The following ANKRD45 variants were observed in gnomAD, a reference collection of about 807,000 sequenced individuals.
The protein encoded by ANKRD45 is ankyrin repeat domain-containing protein 45.
ANKRD45 carries 21 observed loss-of-function variants against 28.1 expected under a neutral mutation model. The observed-to-expected ratio is 0.75, with a 90% CI of 0.53 to 1.08. The LOEUF is 1.08. Among genes scored for constraint, ANKRD45 ranks in the 50% least tolerant of loss-of-function variants. The probability of loss-of-function intolerance (pLI) is 0.00; values close to 1 mark genes in which losing one functional copy is unlikely to be tolerated. For synonymous variants in ANKRD45, 86 were observed against 103.9 expected (o/e 0.83, Z 1.05); for missense variants, 261 against 308.7 (o/e 0.85, Z 1.16).
the ANKRD45 span, among the ~76,000 whole-genome samples, chr1:173,702,863 T>C: frequency 6.6e-6 from 1 of 151,610 alleles, no homozygotes; most frequent in Non-Finnish European, 1.5e-5. Flanking sequence ...ATTAGGACAA[T>C]AGACATGCAC....
chr1:173,632,253 G>A (rs1668229216), intron 3 of ANKRD45, among the ~76,000 whole-genome samples: 2 of 151,796 alleles, frequency 1.3e-5, no homozygotes, highest in Non-Finnish European at 2.9e-5. Flanking sequence ...AATGGATAAA[G>A]TTCTAGACAC....
intron 3 of ANKRD45, among the ~76,000 whole-genome samples, chr1:173,628,220 G>A (rs759162909): frequency 1.3e-4 from 19 of 151,044 alleles, no homozygotes; most frequent in Non-Finnish European, 2.7e-4. Context: ...AGGGACTAAG[G>A]GGAGAGACAC....
At chr1:173,649,251 T>C (rs1271300015) in intron 2 of ANKRD45, among the ~76,000 whole-genome samples, 1 of 152,174 alleles carries the variant, frequency 6.6e-6, no homozygotes, top group Non-Finnish European at 1.5e-5. Context: ...AAATGGAAAT[T>C]AGGATCATCA....
the ANKRD45 span, among the ~76,000 whole-genome samples, chr1:173,696,286 G>A: frequency 1.3e-5 from 2 of 152,146 alleles, no homozygotes; most frequent in Admixed American, 6.6e-5. Flanking sequence ...CCCCTGATAG[G>A]TCCCACATGT....
At chr1:173,671,472 G>A (rs964847910), upstream of ANKRD45, among the ~76,000 whole-genome samples, 18 of 152,220 alleles carry the variant, frequency 1.2e-4, no homozygotes, top group East Asian at 2.7e-3. Context: ...CACACTGCAC[G>A]TGCTCCTCTC....
rs1667036141 is a variant in ANKRD45 at position 173,608,955 on chromosome 1, GAGAGGAAGGAGA to G, written c.*1178_*1189del. Among the ~76,000 whole-genome samples, 1 of 127,424 alleles carries G rather than the reference GAGAGGAAGGAGA, an allele frequency of 7.8e-6. No homozygotes were observed. Among genetic ancestry groups the G allele is most frequent in the South Asian group, 3.2e-4 (1 of 3,098 alleles). 83.6% of individuals were successfully genotyped at this position (127,424 alleles called of 152,430 possible). The stretch of plus-strand genomic sequence containing the variant: ...GAAGGGAGGGGAAGGGAGAGGAAGG[GAGAGGAAGGAGA>G]AGGGGAAGGGAAGGGAAAAGGGAGA... On this transcript the variant is annotated 3_prime_UTR_variant, in exon 6 of 6. Coordinates refer to ENST00000333279, the MANE Select transcript of ANKRD45 (RefSeq NM_198493.3).
the ANKRD45 span, among the ~76,000 whole-genome samples, chr1:173,705,852 C>G: frequency 2.6e-5 from 4 of 152,010 alleles, no homozygotes; most frequent in Non-Finnish European, 5.9e-5. Context: ...ATTTATCTTT[C>G]AATTTATATA....
intron 1 of ANKRD45, among the ~76,000 whole-genome samples, chr1:173,659,788 G>A (rs1669699540): frequency 6.6e-6 from 1 of 152,146 alleles, no homozygotes; most frequent in Non-Finnish European, 1.5e-5. Flanking sequence ...CCTTGTATGA[G>A]AGAAGTGAGA....
chr1:173,649,703 A>T (rs1669096485), intron 2 of ANKRD45, among the ~76,000 whole-genome samples: 1 of 152,114 alleles, frequency 6.6e-6, no homozygotes, highest in Admixed American at 6.6e-5. Flanking sequence ...ATATCTCAAG[A>T]TATTCTGTGA....
At chr1:173,713,379 T>C in the ANKRD45 span, among the ~76,000 whole-genome samples, 2 of 152,166 alleles carry the variant, frequency 1.3e-5, no homozygotes, top group African/African-American at 4.8e-5. Context: ...CAAGATAACT[T>C]TGGGAGACAT....
the ANKRD45 span, among the ~76,000 whole-genome samples, chr1:173,706,725 T>C: frequency 6.6e-6 from 1 of 152,188 alleles, no homozygotes; most frequent in Non-Finnish European, 1.5e-5. Context: ...AAGAGTCTTT[T>C]AGATTCTTTC....
intron 1 of ANKRD45, among the ~76,000 whole-genome samples, chr1:173,664,684 A>G (rs1669931072): frequency 6.6e-6 from 1 of 152,178 alleles, no homozygotes; most frequent in African/African-American, 2.4e-5. Flanking sequence ...ATATGATATT[A>G]TATTATTTCC....
the ANKRD45 span, among the ~76,000 whole-genome samples, chr1:173,700,024 A>G: frequency 1.1e-4 from 16 of 152,326 alleles, no homozygotes; most frequent in East Asian, 2.9e-3. Flanking sequence ...CTATACACCA[A>G]TAACAGAGAA....
intron 5 of ANKRD45, chr1:173,612,635 T>G (rs1209058632): frequency 1.3e-5 from 2 of 152,758 alleles, no homozygotes; most frequent in East Asian, 3.8e-4. Context: ...CTCCCTCTGA[T>G]GCTGAGCTGA....
intron 2 of ANKRD45, among the ~76,000 whole-genome samples, chr1:173,650,039 A>T (rs1669111572): frequency 6.6e-6 from 1 of 152,178 alleles, no homozygotes; most frequent in Non-Finnish European, 1.5e-5. Context: ...ACATATATAC[A>T]TTTCGTGTGG....
intron 3 of ANKRD45, among the ~76,000 whole-genome samples, chr1:173,632,701 G>A (rs1390153437): frequency 6.6e-6 from 1 of 151,994 alleles, no homozygotes; most frequent in African/African-American, 2.4e-5. Context: ...AGGATGCAAG[G>A]ATGTTTCAAC....
chr1:173,619,725 G>T (rs953402799), intron 5 of ANKRD45, among the ~76,000 whole-genome samples: 1 of 152,058 alleles, frequency 6.6e-6, no homozygotes, highest in Non-Finnish European at 1.5e-5. Flanking sequence ...CCACTCGGGA[G>T]GGGGAGGCAG....
chr1:173,697,991 G>GAA, the ANKRD45 span, among the ~76,000 whole-genome samples: 8 of 133,422 alleles, frequency 6.0e-5, no homozygotes, highest in African/African-American at 2.1e-4. Flanking sequence ...AAAATGGAAA[G>GAA]AAAAAAAAAA....
the ANKRD45 span, among the ~76,000 whole-genome samples, chr1:173,703,207 A>AT: frequency 0.21 from 28,969 of 140,130 alleles, 2,894 homozygotes; most frequent in Middle Eastern, 0.35. Context: ...TACCCAGCTA[A>AT]TTTTTTTTTT....
Sources: gnomAD v4.1 joint callset for allele counts (sites outside exome capture counted in the v4.1 genomes callset) on GRCh38, gnomAD v4.1.1 for gene constraint, MANE v1.5 for transcripts, NCBI Gene and HGNC (gene_info 2026-07-23, HGNC 2026-07-21) for gene names.